The following SYT14 variants were observed in gnomAD, a reference collection of about 807,000 sequenced individuals.
The protein encoded by SYT14 is synaptotagmin-14.
Under a neutral mutation model 74.2 loss-of-function variants are expected in SYT14, and 32 were observed. That is an observed-to-expected ratio of 0.43 (90% CI 0.33 to 0.58). The LOEUF is 0.58. Among genes scored for constraint, SYT14 ranks in the 20% least tolerant of loss-of-function variants. The pLI is 0.05. For synonymous variants in SYT14, 298 were observed against 337.7 expected (o/e 0.88, Z 1.29); for missense variants, 791 against 981.8 (o/e 0.81, Z 2.60).
chr1:209,980,441 C>A (rs1211764068), intron 2 of SYT14, among the ~76,000 whole-genome samples: 1 of 152,080 alleles, frequency 6.6e-6, no homozygotes, highest in Non-Finnish European at 1.5e-5. Context: ...CACAGAAGCT[C>A]TTTAGTTTAA....
chr1:210,105,840 C>T lies in SYT14; in HGVS notation c.2034+5379C>T, dbSNP rs111568203. 7.9e-3 allele frequency among the ~76,000 whole-genome samples: 1,206 copies of T among 152,200 alleles called. 14 individuals carry two copies. The highest frequency in any genetic ancestry group is 0.028 in the African/African-American group (1,142 of 41,522). ...GATCTGATTGTTTAAAGGTCTGTGGCATCTCCCCCTCTCCCTCTCTCACTC... is the reference window on the plus strand; with the variant it reads ...GATCTGATTGTTTAAAGGTCTGTGGTATCTCCCCCTCTCCCTCTCTCACTC... On this transcript the variant is annotated intron_variant, in intron 7 of 9. Coordinates refer to ENST00000637265, the Ensembl canonical transcript of SYT14.
At chr1:210,050,518 C>G (rs910099938) in intron 5 of SYT14, among the ~76,000 whole-genome samples, 7 of 152,202 alleles carry the variant, frequency 4.6e-5, no homozygotes, top group African/African-American at 1.7e-4. Flanking sequence ...TTTTGGTTAT[C>G]TTTTCAGCAG....
At position 210,165,820 on chromosome 1, in the gene SYT14, C is replaced by T. The variant is rs961512031; in HGVS notation, c.*4778C>T. On this transcript the variant is annotated 3_prime_UTR_variant, in exon 10 of 10. Transcript: ENST00000637265. Reference sequence around the variant, plus strand: ...GAACTAAATTCCCTGTGGAAGAAGCCAGTCACACTATTACATGAGTCTTAG... The same window carrying T: ...GAACTAAATTCCCTGTGGAAGAAGCTAGTCACACTATTACATGAGTCTTAG... 3.9e-5 allele frequency: 6 copies of T among 152,280 alleles called. No individual in the cohort carries two copies. The South Asian group carries it at 6.2e-4, about 16-fold the overall frequency. 9.4% of individuals were successfully genotyped at this position (152,280 alleles called of 1,614,324 possible). A position where few individuals can be genotyped will look rare whatever the true frequency, so the allele number is the denominator to read the frequency against.
chr1:210,015,007 AAT>A (rs2080154813), intron 3 of SYT14, among the ~76,000 whole-genome samples: 1 of 148,020 alleles, frequency 6.8e-6, no homozygotes, highest in Admixed American at 7.2e-5. Context: ...TAAAACAGAA[AAT>A]TTAAAAATAT....
At chr1:209,960,591 T>G (rs2079061668) in intron 2 of SYT14, among the ~76,000 whole-genome samples, 1 of 152,072 alleles carries the variant, frequency 6.6e-6, no homozygotes. Context: ...AATCAAAGAT[T>G]GTCTTGAAGC....
At position 210,135,245 on chromosome 1, in the gene SYT14, A is replaced by G. The variant is rs117897598; in HGVS notation, c.2035-20476A>G. Among the ~76,000 whole-genome samples, 1,751 of 151,810 alleles carry G rather than the reference A, an allele frequency of 0.012. 113 individuals are homozygous for G. In the East Asian group the frequency reaches 0.17, roughly 15 times the overall value. ...GATCCACTGGCCTCACCCTCCCAAG[A>G]TGCTGGGATTACAGGCATGAGCCAC... On this transcript the variant is annotated intron_variant, in intron 7 of 9. Coordinates refer to ENST00000637265, the Ensembl canonical transcript of SYT14.
intron 1 of SYT14, among the ~76,000 whole-genome samples, chr1:209,939,319 A>C (rs971411611): frequency 2.6e-5 from 4 of 152,214 alleles, no homozygotes; most frequent in African/African-American, 9.6e-5. Flanking sequence ...ATTTCTCTAC[A>C]TTGAAAGTGT....
intron 7 of SYT14, among the ~76,000 whole-genome samples, chr1:210,145,122 A>C (rs1484062683): frequency 6.6e-6 from 1 of 152,194 alleles, no homozygotes; most frequent in Non-Finnish European, 1.5e-5. Flanking sequence ...TACAACTATA[A>C]CGTGTCTAGA....
chr1:209,952,132 C>A (rs995098144), intron 1 of SYT14, among the ~76,000 whole-genome samples: 1 of 151,790 alleles, frequency 6.6e-6, no homozygotes, highest in Admixed American at 6.6e-5. Flanking sequence ...TGGTTTTTGG[C>A]CCAATAAGTA....
chr1:209,981,468 T>TTTTTTTTTTTTTTTTTTTTTTTTC (rs1572107003), intron 2 of SYT14, among the ~76,000 whole-genome samples: 1 of 144,322 alleles, frequency 6.9e-6, no homozygotes, highest in East Asian at 2.1e-4. Flanking sequence ...TTTTTTTTTT[T>TTTTTTTTTTTTTTTTTTTTTTTTC]TGAGGCAGGA....
chr1:210,155,922 A>G lies in SYT14; in HGVS notation c.2224+12A>G. 2 of 1,613,822 alleles carry G rather than the reference A, an allele frequency of 1.2e-6. No individual in the cohort carries two copies. Among genetic ancestry groups the G allele is most frequent in the East Asian group, 2.2e-5 (1 of 44,862 alleles). On this transcript the variant is annotated intron_variant, in intron 8 of 9. Transcript: ENST00000637265. Reference sequence around the variant, plus strand: ...AAACAGACCACCCAGTGAGTGAAAAATAATTTTTTTAATTCTAATGTTTTC... The same window carrying G: ...AAACAGACCACCCAGTGAGTGAAAAGTAATTTTTTTAATTCTAATGTTTTC...
intron 5 of SYT14, among the ~76,000 whole-genome samples, chr1:210,093,801 A>G (rs977490980): frequency 6.6e-6 from 1 of 152,246 alleles, no homozygotes; most frequent in Non-Finnish European, 1.5e-5. Context: ...GATCCAGGAC[A>G]GATGTAGAAA....
In SYT14 at chr1:210,157,247, G is replaced by T. The variant is rs182331013; in HGVS notation, c.2224+1337G>T. 2.8e-3 allele frequency among the ~76,000 whole-genome samples: 421 copies of T among 150,328 alleles called. 3 individuals carry two copies. The highest frequency in any genetic ancestry group is 9.8e-3 in the African/African-American group (401 of 40,850). ...ACTTGATCCCAGGATTTCAAGACCA[G>T]CCTGGGCAACAAAGTGAGACCCTGA... On this transcript the variant is annotated intron_variant, in intron 8 of 9. Transcript: ENST00000637265.
intron 4 of SYT14, chr1:210,017,182 A>T (rs2080202685): frequency 1.0e-6 from 1 of 997,858 alleles, no homozygotes; most frequent in East Asian, 3.3e-5. Context: ...CAAATTTCTC[A>T]GCTTTCCTGT....
chr1:210,046,223 A>T (rs2080881953), intron 5 of SYT14, among the ~76,000 whole-genome samples: 1 of 152,112 alleles, frequency 6.6e-6, no homozygotes, highest in African/African-American at 2.4e-5. Flanking sequence ...AAAGTACAAA[A>T]ATTGGCTAGG....
chr1:210,073,632 A>G (rs1465076305), intron 5 of SYT14, among the ~76,000 whole-genome samples: 1 of 152,068 alleles, frequency 6.6e-6, no homozygotes, highest in Non-Finnish European at 1.5e-5. Flanking sequence ...TACTGTTAAC[A>G]TCATCCAATA....
exon 7 of SYT14, chr1:210,100,070 A>G: frequency 6.2e-7 from 1 of 1,614,128 alleles, no homozygotes; most frequent in Non-Finnish European, 8.5e-7. Flanking sequence ...CCTGAGCCAG[A>G]AGCTAAATAT....
rs1399313976 is a variant in SYT14, at chr1:210,094,609, T to C, written c.1584+16T>C. On this transcript the variant is annotated intron_variant, in intron 6 of 9. Transcript: ENST00000637265. ...GAGCCCTGAAGTAAGTAAAAGCACA[T>C]AGAAGTTTGAAAATGAATGTTATTT... The C allele has an allele frequency of 1.2e-6, 2 of 1,613,474 alleles. No homozygotes were observed. Among genetic ancestry groups the C allele is most frequent in the South Asian group, 2.2e-5 (2 of 91,062 alleles).
chr1:209,983,226 T>C (rs2079518490), intron 2 of SYT14, among the ~76,000 whole-genome samples: 1 of 151,924 alleles, frequency 6.6e-6, no homozygotes, highest in Non-Finnish European at 1.5e-5. Context: ...TCAACTATTT[T>C]TTTTCATGGA....
Sources: gnomAD v4.1 joint callset for allele counts (sites outside exome capture counted in the v4.1 genomes callset) on GRCh38, gnomAD v4.1.1 for gene constraint, MANE v1.5 for transcripts, NCBI Gene and HGNC (gene_info 2026-07-23, HGNC 2026-07-21) for gene names.